Variants in RALGAPA2 observed in about 807,000 individuals in gnomAD.
The protein encoded by RALGAPA2 is Ral GTPase activating protein catalytic subunit alpha 2, also known as ral GTPase-activating protein subunit alpha-2.
RALGAPA2 carries 139 observed loss-of-function variants against 230.4 expected under a neutral mutation model. The ratio of observed to expected loss-of-function variants is 0.60; its 90% CI spans 0.53 to 0.69. The LOEUF is 0.69. Among genes scored for constraint, RALGAPA2 ranks in the 30% least tolerant of loss-of-function variants. The probability of loss-of-function intolerance (pLI) is 0.00; values close to 1 mark genes in which losing one functional copy is unlikely to be tolerated. For missense variants in RALGAPA2, 2,163 were observed against 2,276.0 expected (o/e 0.95, Z 1.01); for synonymous variants, 847 against 837.8 (o/e 1.01, Z -0.19).
chr20:20,548,905 T>C (rs1355343739), intron 23 of RALGAPA2, among the ~76,000 whole-genome samples: 1 of 152,238 alleles, frequency 6.6e-6, no homozygotes, highest in African/African-American at 2.4e-5. Context: ...TGTTGACATA[T>C]GTTGCAATGA....
chr20:20,565,797 G>A (rs1020160078), intron 23 of RALGAPA2, among the ~76,000 whole-genome samples: 1 of 152,212 alleles, frequency 6.6e-6, no homozygotes, highest in African/African-American at 2.4e-5. Context: ...TTCAGCAACT[G>A]AAATATGAAC....
At chr20:20,565,182 A>C in intron 23 of RALGAPA2, among the ~76,000 whole-genome samples, 1 of 152,378 alleles carries the variant, frequency 6.6e-6, no homozygotes, top group East Asian at 1.9e-4. Context: ...ATTTGAGATA[A>C]ACAAGGCCTC....
chr20:20,445,773 A>G (rs986542334), intron 37 of RALGAPA2, among the ~76,000 whole-genome samples: 5 of 152,188 alleles, frequency 3.3e-5, no homozygotes, highest in Non-Finnish European at 4.4e-5. Flanking sequence ...TGTGTTTAAT[A>G]TTTTTAGAAC....
intron 9 of RALGAPA2, among the ~76,000 whole-genome samples, chr20:20,633,009 T>G (rs565026320): frequency 2.6e-5 from 4 of 151,050 alleles, no homozygotes; most frequent in Non-Finnish European, 1.5e-5. Context: ...TACTGGGTCT[T>G]TCTCTCTCTC....
intron 10 of RALGAPA2, among the ~76,000 whole-genome samples, chr20:20,622,434 TAATCAGAAA>T (rs1487592791): frequency 1.3e-5 from 2 of 152,136 alleles, no homozygotes; most frequent in Admixed American, 1.3e-4. Context: ...AAACCAAAGA[TAATCAGAAA>T]AATCTTAAAA....
intron 16 of RALGAPA2, among the ~76,000 whole-genome samples, chr20:20,597,231 A>AG (rs2065482345): frequency 6.6e-6 from 1 of 152,200 alleles, no homozygotes; most frequent in African/African-American, 2.4e-5. Flanking sequence ...TTAGCCAAAC[A>AG]GGGGGTAAAA....
chr20:20,703,591 T>C (rs1389370004), intron 1 of RALGAPA2, among the ~76,000 whole-genome samples: 5 of 152,250 alleles, frequency 3.3e-5, no homozygotes, highest in Non-Finnish European at 7.3e-5. Context: ...AAGGTAGTAA[T>C]TTGATTAAAT....
chr20:20,672,991 T>C (rs898559948), intron 3 of RALGAPA2, among the ~76,000 whole-genome samples: 2 of 152,154 alleles, frequency 1.3e-5, no homozygotes, highest in African/African-American at 4.8e-5. Context: ...AAGACCATCC[T>C]GGCTAACACG....
chr20:20,461,495 AG>A (rs1395331771), intron 37 of RALGAPA2, among the ~76,000 whole-genome samples: 2 of 152,320 alleles, frequency 1.3e-5, no homozygotes, highest in Middle Eastern at 3.4e-3. Context: ...TCTGGGAGAA[AG>A]CTATGGCTCT....
chr20:20,623,154 A>C (rs1357570525), intron 10 of RALGAPA2, among the ~76,000 whole-genome samples: 3 of 152,216 alleles, frequency 2.0e-5, no homozygotes, highest in Non-Finnish European at 4.4e-5. Context: ...GTAATGAATA[A>C]TGATCCAATC....
Position 20,451,258 on chromosome 20 carries a change from T to C in RALGAPA2, c.5495+21571A>G, listed in dbSNP as rs541816687. On this transcript the variant is annotated intron_variant, in intron 37 of 39. Transcript: ENST00000202677. ...AGAGAATAGAATGCCCTTTATAAGT[T>C]AGATGTGCATTTGAATTCCTATCTG... Among the ~76,000 whole-genome samples the C allele has an allele frequency of 3.9e-5, 6 of 152,316 alleles. No individual in the cohort carries two copies. In the South Asian group the frequency reaches 8.3e-4, roughly 21 times the overall value.
At chr20:20,456,667 G>C (rs1249101396) in intron 37 of RALGAPA2, among the ~76,000 whole-genome samples, 1 of 152,256 alleles carries the variant, frequency 6.6e-6, no homozygotes, top group Non-Finnish European at 1.5e-5. Flanking sequence ...TGCTGAGCCA[G>C]GTATGCCTGG....
At chr20:20,628,899 T>TA (rs1350927914) in intron 10 of RALGAPA2, among the ~76,000 whole-genome samples, 2 of 152,154 alleles carry the variant, frequency 1.3e-5, no homozygotes, top group Non-Finnish European at 2.9e-5. Flanking sequence ...TCTTGTGCCA[T>TA]AAATAATTCT....
At chr20:20,485,289 A>G (rs2061883643) in intron 36 of RALGAPA2, among the ~76,000 whole-genome samples, 1 of 152,106 alleles carries the variant, frequency 6.6e-6, no homozygotes, top group Non-Finnish European at 1.5e-5. Flanking sequence ...TCTGATATTA[A>G]TATAGTTATT....
At chr20:20,477,363 T>C (rs1213012595) in intron 36 of RALGAPA2, among the ~76,000 whole-genome samples, 1 of 152,178 alleles carries the variant, frequency 6.6e-6, no homozygotes, top group Non-Finnish European at 1.5e-5. Context: ...AGAATACTTT[T>C]TAAAAAGTGA....
At chr20:20,433,252 C>T (rs924793974) in intron 37 of RALGAPA2, among the ~76,000 whole-genome samples, 1 of 152,136 alleles carries the variant, frequency 6.6e-6, no homozygotes, top group Non-Finnish European at 1.5e-5. Context: ...ATTAAGGCTC[C>T]GAGTTCAAGA....
chr20:20,530,399 C>T (rs2063336797), intron 27 of RALGAPA2, among the ~76,000 whole-genome samples: 1 of 152,200 alleles, frequency 6.6e-6, no homozygotes. Flanking sequence ...CATAATACAA[C>T]CACCACCCCC....
At chr20:20,582,786 A>G (rs996253638) in intron 20 of RALGAPA2, among the ~76,000 whole-genome samples, 33 of 152,198 alleles carry the variant, frequency 2.2e-4, no homozygotes, top group Admixed American at 2.1e-3. Flanking sequence ...TCAATAAGCT[A>G]TCTAAACTCT....
chr20:20,675,310 A>G (rs1177422967), intron 3 of RALGAPA2, among the ~76,000 whole-genome samples: 3 of 152,182 alleles, frequency 2.0e-5, no homozygotes. Context: ...AGTCCTGGGC[A>G]GGAAGTTTCC....
Sources: allele counts gnomAD v4.1 joint callset (sites outside exome capture counted in the v4.1 genomes callset), GRCh38; gene constraint gnomAD v4.1.1; transcripts MANE v1.5; gene names NCBI Gene and HGNC (gene_info 2026-07-23, HGNC 2026-07-21).